NXN: variants seen among roughly 807,000 people sequenced by gnomAD.
NXN encodes nucleoredoxin.
In NXN, 16 loss-of-function variants were observed where a neutral mutation model predicts 48.6. The ratio of observed to expected loss-of-function variants is 0.33; its 90% confidence interval spans 0.22 to 0.50. The LOEUF (loss-of-function observed/expected upper bound fraction) is 0.50, where lower values mean the gene tolerates loss of function less well. Among genes scored for constraint, NXN ranks in the 20% least tolerant of loss-of-function variants. The probability of loss-of-function intolerance (pLI) is 0.98; values close to 1 mark genes in which losing one functional copy is unlikely to be tolerated. For synonymous variants in NXN, 281 were observed against 269.6 expected, an observed-to-expected ratio of 1.04 and a Z score of -0.41; for missense variants, 492 against 605.5, an observed-to-expected ratio of 0.81 and a Z score of 1.97.
At chr17:812,841 TA>T (rs1912204703) in intron 5 of NXN, among the ~76,000 whole-genome samples, 1 of 148,586 alleles carries the variant, frequency 6.7e-6, no homozygotes, top group African/African-American at 2.5e-5. Context: ...TGTGTGAGTG[TA>T]GGTGTGTGCA....
chr17:833,951 G>A (rs1026062244), intron 1 of NXN, among the ~76,000 whole-genome samples: 3 of 152,180 alleles, frequency 2.0e-5, no homozygotes, highest in Admixed American at 6.5e-5. Flanking sequence ...CTAAACTCAG[G>A]CAGAGCTCAT....
intron 1 of NXN, among the ~76,000 whole-genome samples, chr17:843,034 AAGAAAGAAAGAAAGAAAG>A (rs1317110268): frequency 6.9e-5 from 10 of 144,488 alleles, no homozygotes; most frequent in Middle Eastern, 3.4e-3. Flanking sequence ...GAAAGAAAGA[AAGAAAGAAAGAAAGAAAG>A]AAAGAAGGAA....
At chr17:870,754 G>GC (rs2068142856) in intron 1 of NXN, among the ~76,000 whole-genome samples, 1 of 146,642 alleles carries the variant, frequency 6.8e-6, no homozygotes, top group African/African-American at 2.6e-5. Context: ...GACTCTGTCT[G>GC]GAAAAAAAAA....
At chr17:874,235 T>C (rs1448562961) in intron 1 of NXN, among the ~76,000 whole-genome samples, 1 of 152,186 alleles carries the variant, frequency 6.6e-6, no homozygotes, top group African/African-American at 2.4e-5. Context: ...GATTGTAAGT[T>C]TCCCGAGGCC....
intron 1 of NXN, among the ~76,000 whole-genome samples, chr17:875,789 G>A (rs145397819): frequency 1.1e-3 from 159 of 151,220 alleles, no homozygotes; most frequent in Non-Finnish European, 1.8e-3. Context: ...TGTAGAACCC[G>A]GTCTCATTTT....
intron 1 of NXN, among the ~76,000 whole-genome samples, chr17:890,982 T>A (rs539945908): frequency 6.6e-6 from 1 of 152,038 alleles, no homozygotes; most frequent in South Asian, 2.1e-4. Context: ...CTTGGAACAT[T>A]TGTATTTTTC....
At chr17:931,691 C>T (rs1378407964) in intron 1 of NXN, among the ~76,000 whole-genome samples, 3 of 150,678 alleles carry the variant, frequency 2.0e-5, no homozygotes, top group Admixed American at 1.3e-4. Context: ...AAAAATTAGC[C>T]GGGCGTGGTG....
rs1316963289 is a variant in NXN, at chr17:978,747, G to A, written c.360+572C>T. The stretch of plus-strand genomic sequence containing the variant: ...CTCGGCCTCGGCCCCCAGGTCCCCG[G>A]TCCCCGGGGAAGGGGCTCCGGGAAG... On this transcript the variant is annotated intron_variant, in intron 1 of 7. Transcript: ENST00000336868. This position sits in a 1 kb window ranked among gnomAD's most constrained non-coding sequence, Gnocchi z 4.1. The A allele has an allele frequency of 6.6e-6, 1 of 152,256 alleles. No individual in the cohort carries two copies. The highest frequency in any genetic ancestry group is 1.5e-5 in the Non-Finnish European group (1 of 68,076). The allele number at this position is 152,256 out of a possible 1,614,324, so 9.4% of individuals were successfully genotyped here. A position where few individuals can be genotyped will look rare whatever the true frequency, so the allele number is the denominator to read the frequency against.
chr17:838,786 A>T (rs1001658086), intron 1 of NXN, among the ~76,000 whole-genome samples: 4 of 152,064 alleles, frequency 2.6e-5, no homozygotes, highest in Admixed American at 6.6e-5. Context: ...AACACACTGA[A>T]CTATCTCAAA....
At chr17:946,204 CT>C (rs2069041846) in intron 1 of NXN, among the ~76,000 whole-genome samples, 1 of 40,376 alleles carries the variant, frequency 2.5e-5, no homozygotes, top group Non-Finnish European at 1.6e-4. Flanking sequence ...GGCGCGATCC[CT>C]GCTCACTGCA....
In NXN at chr17:800,893, A is replaced by AG; in HGVS notation, c.*55dup. 2.4e-6 allele frequency: 3 copies of AG among 1,245,140 alleles called. No individual in the cohort carries two copies. Among genetic ancestry groups the AG allele is most frequent in the Non-Finnish European group, 2.1e-6 (2 of 942,102 alleles). 77.1% of individuals were successfully genotyped at this position (1,245,140 alleles called of 1,614,324 possible). On this transcript the variant is annotated 3_prime_UTR_variant, in exon 8 of 8. Coordinates refer to ENST00000336868, the MANE Select transcript of NXN (RefSeq NM_022463.5). ...GGTAAGTCCAAGGGCGGAAGGAAGG[A>AG]GGGGGAGGAGGAGAAGGCTGAGTTT...
At chr17:813,695 G>A (rs533450009) in intron 5 of NXN, among the ~76,000 whole-genome samples, 27 of 151,694 alleles carry the variant, frequency 1.8e-4, no homozygotes, top group South Asian at 6.3e-4. Flanking sequence ...CCGGCCGGGC[G>A]CGGTGGCTCA....
At chr17:960,533 A>G (rs1194018154) in intron 1 of NXN, among the ~76,000 whole-genome samples, 2 of 152,016 alleles carry the variant, frequency 1.3e-5, no homozygotes, top group African/African-American at 4.8e-5. Flanking sequence ...TTGGAGAGAC[A>G]GGATCTCCCC....
chr17:906,716 A>G (rs111333860), intron 1 of NXN, among the ~76,000 whole-genome samples: 24,681 of 148,358 alleles, frequency 0.17, 2,518 homozygotes, highest in Middle Eastern at 0.29. Context: ...ACAGGCACCC[A>G]CCACCACACC....
chr17:963,085 C>T (rs2069256446), intron 1 of NXN, among the ~76,000 whole-genome samples: 1 of 151,840 alleles, frequency 6.6e-6, no homozygotes, highest in South Asian at 2.1e-4. Context: ...GACAGGCACA[C>T]ACTGACACTT....
intron 5 of NXN, 164 bp downstream of exon 5, chr17:819,274 TA>T (rs1314534243): frequency 2.1e-5 from 14 of 672,528 alleles, no homozygotes; most frequent in Non-Finnish European, 3.7e-5. Context: ...AAAAATGGCT[TA>T]GAATTCACAC....
At chr17:960,941 C>A (rs559830500) in intron 1 of NXN, among the ~76,000 whole-genome samples, 1 of 151,952 alleles carries the variant, frequency 6.6e-6, no homozygotes, top group African/African-American at 2.4e-5. Flanking sequence ...CCCGCCACCA[C>A]GCCCGGCTAA....
At chr17:839,751 C>T (rs1034496556) in intron 1 of NXN, among the ~76,000 whole-genome samples, 4 of 144,008 alleles carry the variant, frequency 2.8e-5, no homozygotes, top group East Asian at 2.2e-4. Context: ...TGCAGTGAAT[C>T]GTGATGGTGC....
intron 5 of NXN, among the ~76,000 whole-genome samples, chr17:811,516 G>GGC (rs1555609080): frequency 2.6e-5 from 4 of 152,030 alleles, no homozygotes; most frequent in African/African-American, 9.7e-5. Context: ...GGTTGGGGGG[G>GGC]GGGCAGCACT....
Sources: gnomAD v4.1 joint callset for allele counts (sites outside exome capture counted in the v4.1 genomes callset) on GRCh38, gnomAD v4.1.1 for gene constraint, Gnocchi (gnomAD v3.1) non-coding constraint, MANE v1.5 for transcripts, NCBI Gene and HGNC (gene_info 2026-07-23, HGNC 2026-07-21) for gene names.